P4HA1: variants seen among roughly 807,000 people sequenced by gnomAD.
The protein encoded by P4HA1 is prolyl 4-hydroxylase subunit alpha 1, also known as prolyl 4-hydroxylase subunit alpha-1.
In P4HA1, 24 loss-of-function variants were observed where a neutral mutation model predicts 72.8. The ratio of observed to expected loss-of-function variants is 0.33; its 90% confidence interval spans 0.24 to 0.46. The LOEUF (loss-of-function observed/expected upper bound fraction) is 0.46. Ranked by LOEUF, P4HA1 falls within the 20% of genes least tolerant of loss-of-function variation. The probability of loss-of-function intolerance (pLI) is 1.00; values close to 1 mark genes in which losing one functional copy is unlikely to be tolerated. For synonymous variants in P4HA1, 201 were observed against 218.8 expected, an observed-to-expected ratio of 0.92 and a Z score of 0.72; for missense variants, 446 against 640.6, an observed-to-expected ratio of 0.70 and a Z score of 3.28.
At chr10:73,012,787 T>C (rs1839934135) in intron 12 of P4HA1, among the ~76,000 whole-genome samples, 1 of 152,044 alleles carries the variant, frequency 6.6e-6, no homozygotes, top group South Asian at 2.1e-4. Context: ...ATAAAATATA[T>C]ATATTTTTTT....
At chr10:73,036,224 G>C (rs1802716875) in intron 9 of P4HA1, among the ~76,000 whole-genome samples, 2 of 151,640 alleles carry the variant, frequency 1.3e-5, no homozygotes, top group Non-Finnish European at 2.9e-5. Flanking sequence ...AGGGTTTGAG[G>C]CTTAGCAGTT....
At chr10:73,045,760 T>C (rs1278486026) in intron 8 of P4HA1, among the ~76,000 whole-genome samples, 2 of 151,808 alleles carry the variant, frequency 1.3e-5, no homozygotes, top group African/African-American at 4.8e-5. Flanking sequence ...AATTGAGGAA[T>C]CTCCAGAATA....
chr10:73,045,633 A>C (rs1038566607), intron 8 of P4HA1, among the ~76,000 whole-genome samples: 4 of 152,122 alleles, frequency 2.6e-5, no homozygotes, highest in Non-Finnish European at 5.9e-5. Context: ...TAAAAACAGC[A>C]AGAAAGAGGT....
chr10:73,076,842 T>A (rs1265106175), intron 1 of P4HA1, among the ~76,000 whole-genome samples: 1 of 152,192 alleles, frequency 6.6e-6, no homozygotes, highest in Non-Finnish European at 1.5e-5. Context: ...CTCTGACTCG[T>A]CTTCCTATGT....
chr10:73,093,842 C>CA lies in P4HA1; in HGVS notation c.-33+2923dup, dbSNP rs1157986784. Among the ~76,000 whole-genome samples, 17 of 14,014 alleles carry CA rather than the reference C, an allele frequency of 1.2e-3. 5 individuals carry two copies. Among genetic ancestry groups the CA allele is most frequent in the Admixed American group, 4.3e-3 (2 of 462 alleles). 9.2% of individuals were successfully genotyped at this position (14,014 alleles called of 152,430 possible). ...TGGGTGGCAGAGTGAAACTCCATCTCAAAAAAAAAAAAAAAAAAAAAAAAA... is the reference window on the plus strand; with the variant it reads ...TGGGTGGCAGAGTGAAACTCCATCTCAAAAAAAAAAAAAAAAAAAAAAAAAA... On this transcript the variant is annotated intron_variant, in intron 1 of 14. Transcript: ENST00000394890.
At chr10:73,090,008 T>G (rs900374897) in intron 1 of P4HA1, among the ~76,000 whole-genome samples, 3 of 151,280 alleles carry the variant, frequency 2.0e-5, no homozygotes, top group Non-Finnish European at 4.4e-5. Flanking sequence ...GGCTTTTTAA[T>G]TTTTTTGTAG....
chr10:73,067,727 C>A (rs1222503741), intron 5 of P4HA1, among the ~76,000 whole-genome samples: 1 of 152,156 alleles, frequency 6.6e-6, no homozygotes, highest in Non-Finnish European at 1.5e-5. Context: ...CATTAGATCT[C>A]AATTTTTTTA....
At chr10:73,036,916 T>C (rs1380366319) in intron 9 of P4HA1, among the ~76,000 whole-genome samples, 1 of 152,202 alleles carries the variant, frequency 6.6e-6, no homozygotes, top group Non-Finnish European at 1.5e-5. Context: ...TTCTAGGACC[T>C]GGAAGTCTTA....
chr10:73,046,313 G>A (rs1433292243), intron 8 of P4HA1, among the ~76,000 whole-genome samples: 1 of 152,136 alleles, frequency 6.6e-6, no homozygotes, highest in East Asian at 1.9e-4. Context: ...ACAAGCTGAT[G>A]GGGGAAAAGG....
At chr10:73,041,841 CT>C (rs771879587) in intron 9 of P4HA1, among the ~76,000 whole-genome samples, 81 of 145,640 alleles carry the variant, frequency 5.6e-4, no homozygotes, top group Admixed American at 4.8e-4. Flanking sequence ...TTTCTTTTCT[CT>C]TTTTTTTTTT....
At chr10:73,023,782 A>G (rs1181228088) in intron 10 of P4HA1, among the ~76,000 whole-genome samples, 1 of 146,942 alleles carries the variant, frequency 6.8e-6, no homozygotes, top group Non-Finnish European at 1.5e-5. Context: ...AAAGGGATGG[A>G]GGAAGATCTA....
At chr10:73,070,498 T>C (rs529228703) in intron 4 of P4HA1, among the ~76,000 whole-genome samples, 3 of 152,200 alleles carry the variant, frequency 2.0e-5, no homozygotes, top group Non-Finnish European at 4.4e-5. Context: ...ATATCAAGCA[T>C]ATTTTTATGC....
At position 73,030,298 on chromosome 10, in the gene P4HA1, T is replaced by C; in HGVS notation, c.1221A>G (p.Leu407=). ...INMRIQDLTG[L]DVSTAEELQV... ...GTAATTCCTCTGCTGTGGAAACATC[T>C]AGTCCTGTTAGATCTTGTATTCTCA... is the stretch of plus-strand genomic sequence containing the variant. The change falls in exon 10 of 15, where the codon CTA becomes CTG. Residue 407 remains leucine (L), a synonymous_variant. Transcript: ENST00000394890. 1 of 1,566,538 alleles carries C rather than the reference T, an allele frequency of 6.4e-7. No individual in the cohort carries two copies. Among genetic ancestry groups the C allele is most frequent in the Non-Finnish European group, 8.7e-7 (1 of 1,147,236 alleles).
At chr10:73,009,519 G>T (rs1389039679) in intron 14 of P4HA1, 1 of 277,942 alleles carries the variant, frequency 3.6e-6, no homozygotes, top group East Asian at 6.8e-5. Context: ...TAATCCATTA[G>T]TATGTCTCAA....
chr10:73,083,941 A>T (rs1365930561), intron 1 of P4HA1, among the ~76,000 whole-genome samples: 2 of 152,240 alleles, frequency 1.3e-5, no homozygotes, highest in African/African-American at 4.8e-5. Flanking sequence ...AACATTTTTA[A>T]TTTAAAAAAA....
chr10:73,024,159 C>T (rs1372940350), intron 10 of P4HA1, among the ~76,000 whole-genome samples: 6 of 152,192 alleles, frequency 3.9e-5, no homozygotes, highest in African/African-American at 1.4e-4. Context: ...ATCTACAGAA[C>T]TCTGTCCACC....
At chr10:73,069,571 T>A (rs1841502469) in intron 4 of P4HA1, among the ~76,000 whole-genome samples, 1 of 152,146 alleles carries the variant, frequency 6.6e-6, no homozygotes, top group Admixed American at 6.6e-5. Context: ...TTATCAAACA[T>A]GACGTTGATC....
chr10:73,078,194 T>C (rs189042223), intron 1 of P4HA1, among the ~76,000 whole-genome samples: 13 of 151,338 alleles, frequency 8.6e-5, no homozygotes, highest in Admixed American at 7.3e-4. Context: ...CAAGTAGATA[T>C]AGAACTTGGA....
At chr10:73,020,348 GA>G (rs1159894802) in intron 10 of P4HA1, among the ~76,000 whole-genome samples, 1 of 151,648 alleles carries the variant, frequency 6.6e-6, no homozygotes, top group East Asian at 1.9e-4. Flanking sequence ...GACTGAAACA[GA>G]AAAAAACTGA....
Sources: allele counts gnomAD v4.1 joint callset (sites outside exome capture counted in the v4.1 genomes callset), GRCh38; gene constraint gnomAD v4.1.1; transcripts MANE v1.5; gene names NCBI Gene and HGNC (gene_info 2026-07-23, HGNC 2026-07-21).